PIBF1: variants seen among roughly 807,000 people sequenced by gnomAD.
PIBF1 encodes the protein progesterone immunomodulatory binding factor 1, also known as progesterone-induced-blocking factor 1.
PIBF1 carries 90 observed loss-of-function variants against 112.5 expected under a neutral mutation model. That is an observed-to-expected ratio of 0.80 (90% confidence interval 0.67 to 0.95). The LOEUF is 0.95. Ranked by LOEUF, PIBF1 falls within the 40% of genes least tolerant of loss-of-function variation. The pLI, the probability that PIBF1 is intolerant of heterozygous loss-of-function variation, is 0.00. For synonymous variants in PIBF1, 301 were observed against 288.6 expected, an observed-to-expected ratio of 1.04 and a Z score of -0.44; for missense variants, 915 against 852.3, an observed-to-expected ratio of 1.07 and a Z score of -0.92.
intron 12 of PIBF1, among the ~76,000 whole-genome samples, chr13:72,910,365 T>C (rs1344290495): frequency 6.6e-6 from 1 of 152,194 alleles, no homozygotes; most frequent in East Asian, 1.9e-4. Flanking sequence ...ATCTTTCTGC[T>C]TTCATATCTT....
intron 14 of PIBF1, among the ~76,000 whole-genome samples, chr13:72,937,497 A>T (rs2041902061): frequency 6.6e-6 from 1 of 152,174 alleles, no homozygotes; most frequent in South Asian, 2.1e-4. Context: ...ATAAACTCCC[A>T]TACTACATTA....
At chr13:73,006,671 A>T (rs1429587960) in intron 17 of PIBF1, among the ~76,000 whole-genome samples, 1 of 152,146 alleles carries the variant, frequency 6.6e-6, no homozygotes, top group Non-Finnish European at 1.5e-5. Flanking sequence ...TTTTTAGATT[A>T]CAGGAGTAAT....
At chr13:72,944,163 T>C (rs1454507955) in intron 14 of PIBF1, among the ~76,000 whole-genome samples, 2 of 152,176 alleles carry the variant, frequency 1.3e-5, no homozygotes, top group Non-Finnish European at 2.9e-5. Context: ...GTATTCAGAA[T>C]AAGCCGGGTG....
At chr13:72,942,759 G>A (rs1456363948) in intron 14 of PIBF1, among the ~76,000 whole-genome samples, 1 of 152,140 alleles carries the variant, frequency 6.6e-6, no homozygotes, top group African/African-American at 2.4e-5. Flanking sequence ...CCAGCACTTT[G>A]GGAGGTCAAG....
In PIBF1 at chr13:72,783,573, C is replaced by T. The variant is rs2034421020; in HGVS notation, c.104C>T (p.Ser35Phe). Residue 35 changes from serine (S) to phenylalanine (F), a missense_variant, in exon 2 of 18, where the codon TCC becomes TTC. By Grantham distance (155) the Ser-to-Phe change is radical. Transcript: ENST00000326291. ...LETTVPTDDI[S>F]SSEEREGKVR... ...ACAACAGTTCCTACGGATGATATTT[C>T]CTCATCAGAAGAGCGAGAGGGCAAA... 1.2e-6 allele frequency: 2 copies of T among 1,613,726 alleles called. No homozygotes were observed. The highest frequency in any genetic ancestry group is 1.7e-5 in the Admixed American group (1 of 60,004).
At chr13:72,927,244 G>A (rs1336891751) in intron 13 of PIBF1, among the ~76,000 whole-genome samples, 2 of 151,960 alleles carry the variant, frequency 1.3e-5, no homozygotes, top group African/African-American at 4.8e-5. Flanking sequence ...GGTGGCTCAC[G>A]CCTGTAATCC....
intron 10 of PIBF1, among the ~76,000 whole-genome samples, chr13:72,855,346 G>A (rs1364394522): frequency 6.6e-6 from 1 of 152,132 alleles, no homozygotes; most frequent in African/African-American, 2.4e-5. Flanking sequence ...TATTGAAGAA[G>A]TCATTCCTAT....
At chr13:72,904,538 T>A (rs2040621682) in intron 11 of PIBF1, among the ~76,000 whole-genome samples, 2 of 142,024 alleles carry the variant, frequency 1.4e-5, no homozygotes, top group Non-Finnish European at 3.0e-5. Context: ...CCTCCCAGGT[T>A]CAAGCGATTC....
chr13:72,929,676 TAAAA>T (rs34082088), intron 13 of PIBF1, among the ~76,000 whole-genome samples: 1 of 151,040 alleles, frequency 6.6e-6, no homozygotes. Context: ...CAGTAAAGTT[TAAAA>T]AAAAAGTGGT....
chr13:72,929,924 A>T (rs1461690861), intron 13 of PIBF1, among the ~76,000 whole-genome samples: 1 of 152,118 alleles, frequency 6.6e-6, no homozygotes, highest in Non-Finnish European at 1.5e-5. Flanking sequence ...CAGTGGCACA[A>T]TCCTAGCTCA....
At chr13:72,868,850 A>T (rs956002999) in intron 10 of PIBF1, among the ~76,000 whole-genome samples, 1 of 139,338 alleles carries the variant, frequency 7.2e-6, no homozygotes, top group African/African-American at 2.6e-5. Flanking sequence ...AAAAAAAAAA[A>T]AGATGAAACT....
chr13:72,935,717 T>A (rs371054211), intron 14 of PIBF1, among the ~76,000 whole-genome samples: 7 of 152,330 alleles, frequency 4.6e-5, no homozygotes, highest in African/African-American at 1.7e-4. Flanking sequence ...TTAGTTTTTT[T>A]ATCCACTATA....
intron 10 of PIBF1, among the ~76,000 whole-genome samples, chr13:72,892,861 G>C (rs7993437): frequency 2.0e-5 from 3 of 151,302 alleles, no homozygotes; most frequent in African/African-American, 7.3e-5. Context: ...TCCTTCATAT[G>C]TGTTCCCACT....
At chr13:72,848,124 G>C (rs957983927) in intron 9 of PIBF1, among the ~76,000 whole-genome samples, 1 of 152,058 alleles carries the variant, frequency 6.6e-6, no homozygotes, top group Non-Finnish European at 1.5e-5. Flanking sequence ...GTTTGTTTTT[G>C]TTTTTGTTTT....
chr13:72,850,646 T>C (rs2038099709), intron 9 of PIBF1, among the ~76,000 whole-genome samples: 1 of 152,246 alleles, frequency 6.6e-6, no homozygotes, highest in African/African-American at 2.4e-5. Flanking sequence ...AAATAACATA[T>C]AGAATAATGA....
At chr13:72,795,971 A>G (rs2035172172) in intron 4 of PIBF1, among the ~76,000 whole-genome samples, 1 of 152,198 alleles carries the variant, frequency 6.6e-6, no homozygotes, top group Non-Finnish European at 1.5e-5. Flanking sequence ...CTGGTTACAC[A>G]AATCTAGAAC....
At chr13:72,811,215 A>G (rs989125669) in intron 5 of PIBF1, among the ~76,000 whole-genome samples, 4 of 152,186 alleles carry the variant, frequency 2.6e-5, no homozygotes, top group African/African-American at 4.8e-5. Flanking sequence ...GTTCATGGAC[A>G]CTGACCACAA....
intron 14 of PIBF1, among the ~76,000 whole-genome samples, chr13:72,953,165 G>A (rs1400953285): frequency 6.6e-6 from 1 of 152,170 alleles, no homozygotes; most frequent in African/African-American, 2.4e-5. Context: ...CTCCTGACCT[G>A]CTGTTCCAGC....
intron 14 of PIBF1, among the ~76,000 whole-genome samples, chr13:72,931,948 T>C (rs2041719737): frequency 6.9e-6 from 1 of 145,222 alleles, no homozygotes; most frequent in African/African-American, 2.5e-5. Flanking sequence ...CTTTTTTTTT[T>C]TTTTTTTTTC....
Sources: gnomAD v4.1 joint callset for allele counts (sites outside exome capture counted in the v4.1 genomes callset) on GRCh38, gnomAD v4.1.1 for gene constraint, MANE v1.5 for transcripts, NCBI Gene and HGNC (gene_info 2026-07-23, HGNC 2026-07-21) for gene names.